Variants in TM9SF4 observed in about 807,000 individuals in gnomAD.
TM9SF4 encodes transmembrane 9 superfamily member 4.
TM9SF4 carries 26 observed loss-of-function variants against 90.4 expected under a neutral mutation model. The observed-to-expected ratio is 0.29, with a 90% CI of 0.21 to 0.40. TM9SF4 has a LOEUF of 0.40. TM9SF4 is among the 10% of genes least tolerant of loss of function. The probability of loss-of-function intolerance (pLI) is 1.00; values close to 1 mark genes in which losing one functional copy is unlikely to be tolerated. For synonymous variants in TM9SF4, 293 were observed against 315.4 expected (o/e 0.93, Z 0.75); for missense variants, 549 against 834.8 (o/e 0.66, Z 4.22).
At chr20:32,138,456 C>A (rs1457388853) in intron 3 of TM9SF4, among the ~76,000 whole-genome samples, 1 of 152,166 alleles carries the variant, frequency 6.6e-6, no homozygotes, top group South Asian at 2.1e-4. Context: ...TACTAAAATA[C>A]AAAATTTAAA....
chr20:32,138,367 G>C (rs1189412149), intron 3 of TM9SF4, among the ~76,000 whole-genome samples: 2 of 152,182 alleles, frequency 1.3e-5, no homozygotes, highest in Non-Finnish European at 2.9e-5. Flanking sequence ...TTTCGCTCAT[G>C]CCTGTAATCC....
intron 16 of TM9SF4, among the ~76,000 whole-genome samples, chr20:32,160,384 C>G (rs1185621559): frequency 6.6e-6 from 1 of 152,182 alleles, no homozygotes; most frequent in Non-Finnish European, 1.5e-5. Flanking sequence ...CAAGTCCACT[C>G]CAGTAGTAGT....
At position 32,119,894 on chromosome 20, in the gene TM9SF4, A is replaced by G. The variant is rs377729590; in HGVS notation, c.15+10139A>G. ...CATATGGCTACCCAGTGGTCCAAGC[A>G]CTATGTTTTGAAAAGACTTATGTTT... On this transcript the variant is annotated intron_variant, in intron 1 of 17. Coordinates refer to ENST00000398022, the MANE Select transcript of TM9SF4 (RefSeq NM_014742.4). Among the ~76,000 whole-genome samples the G allele has an allele frequency of 1.8e-4, 27 of 152,284 alleles. 1 individual carries two copies. The East Asian group carries it at 3.5e-3, about 20-fold the overall frequency.
intron 13 of TM9SF4, among the ~76,000 whole-genome samples, chr20:32,155,893 G>A (rs899596981): frequency 1.3e-5 from 2 of 152,164 alleles, no homozygotes; most frequent in African/African-American, 4.8e-5. Context: ...AACTTAGGAA[G>A]CCACCCTCAA....
chr20:32,160,676 C>T (rs1487150236), intron 16 of TM9SF4, among the ~76,000 whole-genome samples: 1 of 152,122 alleles, frequency 6.6e-6, no homozygotes, highest in African/African-American at 2.4e-5. Flanking sequence ...GCCAGCCAGG[C>T]ACGGTAGCTC....
intron 6 of TM9SF4, among the ~76,000 whole-genome samples, chr20:32,143,957 TC>T (rs34582686): frequency 3.1e-4 from 47 of 151,610 alleles, no homozygotes; most frequent in African/African-American, 1.1e-3. Context: ...TCTTTTTTTT[TC>T]CCCCCAAGAC....
At position 32,109,767 on chromosome 20, in the gene TM9SF4, A is replaced by G. The variant is rs574287667; in HGVS notation, c.15+12A>G. ...TGGCGACGGCGATGGTGAGTGAAGG[A>G]GACTCCGGGAGCGGGAGCTGGAGCG... On this transcript the variant is annotated intron_variant, in intron 1 of 17. Transcript: ENST00000398022. 3.6e-5 allele frequency: 56 copies of G among 1,551,586 alleles called. No individual in the cohort carries two copies. The South Asian group carries it at 5.7e-4, about 16-fold the overall frequency.
chr20:32,136,773 T>C (rs2046600232), intron 3 of TM9SF4: 32 of 459,350 alleles, frequency 7.0e-5, no homozygotes, highest in South Asian at 4.8e-4. Flanking sequence ...TACACAGTTA[T>C]TAGTGCCTCC....
rs2046831091 is a variant in TM9SF4, at chr20:32,150,792, T to C, written c.1170-8T>C. 1 of 1,614,018 alleles carries C rather than the reference T, an allele frequency of 6.2e-7. No individual in the cohort carries two copies. The highest frequency in any genetic ancestry group is 8.5e-7 in the Non-Finnish European group (1 of 1,180,016). ...CCCTTGGTGTGGATCCCTGCCATTT[T>C]CCCACAGGGTGTTTGGCGGATTTTC... is the stretch of plus-strand genomic sequence containing the variant. On this transcript the variant is annotated splice_polypyrimidine_tract_variant and splice_region_variant and intron_variant, in intron 11 of 17. Transcript: ENST00000398022.
chr20:32,130,585 G>A (rs1243409352), intron 1 of TM9SF4, among the ~76,000 whole-genome samples: 2 of 152,210 alleles, frequency 1.3e-5, no homozygotes, highest in Non-Finnish European at 2.9e-5. Flanking sequence ...GTCCTCTGAC[G>A]CAGAGGAAAT....
At chr20:32,138,463 TA>T (rs1173329996) in intron 3 of TM9SF4, among the ~76,000 whole-genome samples, 1 of 152,138 alleles carries the variant, frequency 6.6e-6, no homozygotes. Flanking sequence ...ATACAAAATT[TA>T]AAAAAATTTG....
At position 32,165,319 on chromosome 20, in the gene TM9SF4, T is replaced by G; in HGVS notation, c.1804T>G (p.Ser602Ala). 1.9e-6 allele frequency: 3 copies of G among 1,614,188 alleles called. No individual in the cohort carries two copies. Among genetic ancestry groups the G allele is most frequent in the Non-Finnish European group, 2.5e-6 (3 of 1,180,042 alleles). Residue 602 changes from serine (S) to alanine (A), a missense_variant, in exon 18 of 18, where the codon TCT (serine) becomes GCT (alanine). Coordinates refer to ENST00000398022, the MANE Select transcript of TM9SF4 (RefSeq NM_014742.4). Reference sequence around the variant, plus strand: ...GCTGGACATCGTGGAGTTCATCCCCTCTCTCCTCTACTTTGGCTACACGGC... The same window carrying G: ...GCTGGACATCGTGGAGTTCATCCCCGCTCTCCTCTACTTTGGCTACACGGC... Reference protein sequence around the residue: ...NKLDIVEFIPSLLYFGYTALM... With the variant: ...NKLDIVEFIPALLYFGYTALM...
chr20:32,137,025 G>GA (rs1284344564), intron 3 of TM9SF4: 4 of 463,520 alleles, frequency 8.6e-6, no homozygotes, highest in Non-Finnish European at 1.8e-5. Flanking sequence ...CCAGTTGGAG[G>GA]CAGGCCTTGG....
chr20:32,117,561 G>A (rs1436096228), intron 1 of TM9SF4, among the ~76,000 whole-genome samples: 1 of 152,140 alleles, frequency 6.6e-6, no homozygotes, highest in Non-Finnish European at 1.5e-5. Flanking sequence ...AGTGGCTGGG[G>A]GTACTTTTGA....
intron 9 of TM9SF4, 93 bp from the exon 10 acceptor site, chr20:32,149,541 C>T: frequency 1.3e-6 from 2 of 1,557,060 alleles, no homozygotes; most frequent in African/African-American, 1.4e-5. Context: ...CGCTGGTTGG[C>T]ACCTGAGGGT....
chr20:32,158,600 G>T, intron 15 of TM9SF4, 86 bp downstream of exon 15: 1 of 1,424,662 alleles, frequency 7.0e-7, no homozygotes, highest in Non-Finnish European at 9.9e-7. Flanking sequence ...CCTACTGCCT[G>T]AGAAAGTTCA....
chr20:32,135,031 A>G (rs2046575274), intron 2 of TM9SF4, among the ~76,000 whole-genome samples: 1 of 152,196 alleles, frequency 6.6e-6, no homozygotes, highest in East Asian at 1.9e-4. Context: ...TTTTACTTTT[A>G]GGTGGTGTAT....
chr20:32,140,259 G>A (rs2046652819), intron 3 of TM9SF4, among the ~76,000 whole-genome samples: 1 of 151,726 alleles, frequency 6.6e-6, no homozygotes, highest in African/African-American at 2.4e-5. Flanking sequence ...TTGCTTGATA[G>A]TCCCTAACTG....
At chr20:32,134,193 G>A (rs1268635140) in intron 2 of TM9SF4, among the ~76,000 whole-genome samples, 1 of 152,062 alleles carries the variant, frequency 6.6e-6, no homozygotes, top group African/African-American at 2.4e-5. Context: ...CAGAGGAGTG[G>A]CCTGGAGGTA....
Sources: allele counts gnomAD v4.1 joint callset (sites outside exome capture counted in the v4.1 genomes callset), GRCh38; gene constraint gnomAD v4.1.1; transcripts MANE v1.5; gene names NCBI Gene and HGNC (gene_info 2026-07-23, HGNC 2026-07-21).